Variants in C5orf34 observed in about 807,000 individuals in gnomAD.
C5orf34 encodes the protein chromosome 5 open reading frame 34.
Under a neutral mutation model 78.4 loss-of-function variants are expected in C5orf34, and 73 were observed. The observed-to-expected ratio is 0.93, with a 90% CI of 0.77 to 1.13. C5orf34 has a LOEUF of 1.13. C5orf34 is among the 50% of genes most tolerant of loss of function. The pLI is 0.00. For missense variants in C5orf34, 730 were observed against 732.7 expected (o/e 1.00, Z 0.04); for synonymous variants, 251 against 246.6 (o/e 1.02, Z -0.17).
intron 12 of C5orf34, 49 bp downstream of exon 12, chr5:43,487,860 A>G: frequency 1.4e-6 from 2 of 1,381,386 alleles, no homozygotes; most frequent in Non-Finnish European, 2.0e-6. Context: ...TTAAGCCTAG[A>G]ATGAAAGAGA....
At chr5:43,514,135 G>A (rs545265451) in intron 1 of C5orf34, 25 of 152,236 alleles carry the variant, frequency 1.6e-4, no homozygotes, top group Non-Finnish European at 3.2e-4. Context: ...CCTGTAACAA[G>A]TCCTGTTGAT....
chr5:43,487,098 A>G lies in C5orf34; in HGVS notation c.1734T>C (p.Asn578=). 6.5e-7 allele frequency: 1 copy of G among 1,527,858 alleles called. No homozygotes were observed. Among genetic ancestry groups the G allele is most frequent in the Non-Finnish European group, 8.8e-7 (1 of 1,138,640 alleles). The allele number at this position is 1,527,858 out of a possible 1,614,324, so 94.6% of individuals were successfully genotyped here. ...KIQKFNLLLE[N]SGILNQISNK... Reference sequence around the variant, plus strand: ...TAGAAATCTGGTTTAGGATACCACTATTTTCTAGTAGCACTAAGTTGCTTA... The same window carrying G: ...TAGAAATCTGGTTTAGGATACCACTGTTTTCTAGTAGCACTAAGTTGCTTA... Residue 578 remains asparagine (N), a synonymous_variant, in exon 13 of 13, where the codon AAT becomes AAC. Coordinates refer to ENST00000306862, the MANE Select transcript of C5orf34 (RefSeq NM_198566.4).
intron 1 of C5orf34, among the ~76,000 whole-genome samples, chr5:43,512,943 T>C (rs781576241): frequency 3.3e-5 from 5 of 151,946 alleles, no homozygotes. Flanking sequence ...CCACCACGCC[T>C]GGCTCATTTT....
intron 1 of C5orf34, among the ~76,000 whole-genome samples, chr5:43,511,638 G>T (rs537542016): frequency 6.6e-6 from 1 of 152,218 alleles, no homozygotes; most frequent in Non-Finnish European, 1.5e-5. Flanking sequence ...TGCTGTGTCC[G>T]TGTAGAAAGA....
At chr5:43,494,681 G>T in intron 6 of C5orf34, 80 bp from the exon 7 acceptor site, 1 of 720,888 alleles carries the variant, frequency 1.4e-6, no homozygotes. Flanking sequence ...CTTGAAATAT[G>T]TTTTTACAAT....
intron 4 of C5orf34, 84 bp from the exon 5 acceptor site, chr5:43,503,844 C>T (rs975731492): frequency 3.6e-6 from 3 of 829,442 alleles, no homozygotes; most frequent in Non-Finnish European, 4.1e-6. Flanking sequence ...GCTACTGTAA[C>T]AGGATTAATT....
intron 6 of C5orf34, 27 bp downstream of exon 6, chr5:43,502,345 C>T: frequency 6.2e-7 from 1 of 1,609,312 alleles, no homozygotes; most frequent in Non-Finnish European, 8.5e-7. Flanking sequence ...CAAAACTCTT[C>T]TTGAGTTGAG....
intron 1 of C5orf34, among the ~76,000 whole-genome samples, chr5:43,513,779 G>A (rs1040007156): frequency 3.3e-5 from 5 of 152,138 alleles, no homozygotes; most frequent in African/African-American, 1.2e-4. Context: ...ACTCCTACAA[G>A]GGCCCAACGA....
At chr5:43,511,354 C>T (rs1053547598) in intron 1 of C5orf34, 3 of 156,272 alleles carry the variant, frequency 1.9e-5, no homozygotes, top group Non-Finnish European at 4.2e-5. Context: ...CCGCCCCGTC[C>T]GGGAGGGAGG....
In C5orf34 at chr5:43,506,287, A is replaced by G. The variant is rs569477410; in HGVS notation, c.393T>C (p.His131=). 1.2e-6 allele frequency: 2 copies of G among 1,614,174 alleles called. No homozygotes were observed. The highest frequency in any genetic ancestry group is 2.2e-5 in the South Asian group (2 of 91,084). ...GIVKITSLDG[H]AYLCLPRSQH... is the part of the protein sequence containing the mutation. ...GAGATCTGGGCAGGCAGAGGTATGC[A>G]TGACCATCTAAAGATGTTATCTTCA... Residue 131 remains histidine, a synonymous_variant, in exon 4 of 13, where the codon CAT becomes CAC. Transcript: ENST00000306862.
At chr5:43,506,788 A>G (rs933708869) in intron 3 of C5orf34, among the ~76,000 whole-genome samples, 2 of 152,112 alleles carry the variant, frequency 1.3e-5, no homozygotes, top group African/African-American at 4.8e-5. Flanking sequence ...ATTAAAAGCA[A>G]TCATAGCTAA....
chr5:43,503,527 G>A (rs1745851568), intron 5 of C5orf34, 138 bp downstream of exon 5: 9 of 727,962 alleles, frequency 1.2e-5, no homozygotes, highest in South Asian at 6.0e-5. Context: ...TAAAACTCAG[G>A]ATCAAACACA....
intron 4 of C5orf34, among the ~76,000 whole-genome samples, chr5:43,504,780 A>G (rs555296901): frequency 1.3e-5 from 2 of 152,362 alleles, no homozygotes; most frequent in South Asian, 4.1e-4. Flanking sequence ...CAACCTAAAC[A>G]TCATGGTAAG....
rs370086807 is a variant in C5orf34, at chr5:43,505,844, C to T, written c.836G>A (p.Arg279Lys). 1.6e-5 allele frequency: 26 copies of T among 1,613,082 alleles called. No homozygotes were observed. The highest frequency in any genetic ancestry group is 2.0e-5 in the Non-Finnish European group (24 of 1,179,506). The change falls in exon 4 of 13, where the codon AGA becomes AAA. Residue 279 changes from arginine (R) to lysine (K), a missense_variant. Arg to Lys is a conservative substitution (Grantham distance 26, BLOSUM62 2). Coordinates refer to ENST00000306862, the MANE Select transcript of C5orf34 (RefSeq NM_198566.4). ...SKIDAHITQS[R>K]FLTSDISEER... ...CTCTGAAATATCAGAAGTTAAAAATCTACTCTGAGTTATATGTGCATCAAT... is the reference window on the plus strand; with the variant it reads ...CTCTGAAATATCAGAAGTTAAAAATTTACTCTGAGTTATATGTGCATCAAT...
At chr5:43,490,548 A>G in intron 11 of C5orf34, 83 bp downstream of exon 11, 1 of 852,796 alleles carries the variant, frequency 1.2e-6, no homozygotes, top group East Asian at 2.7e-5. Flanking sequence ...TTGGGGAAAA[A>G]AGTCTCAGTT....
chr5:43,487,287 A>G (rs1745105488), intron 12 of C5orf34, among the ~76,000 whole-genome samples, 176 bp from the exon 13 acceptor site: 1 of 152,182 alleles, frequency 6.6e-6, no homozygotes, highest in African/African-American at 2.4e-5. Context: ...GAAGAAACTA[A>G]TTACAGTATA....
chr5:43,500,944 G>A (rs1745731559), intron 6 of C5orf34, among the ~76,000 whole-genome samples: 1 of 152,230 alleles, frequency 6.6e-6, no homozygotes. Flanking sequence ...CCAAAAGAGG[G>A]TCAATTGTTT....
At chr5:43,491,414 TAAAATG>T (rs1473429603) in intron 10 of C5orf34, among the ~76,000 whole-genome samples, 1 of 152,152 alleles carries the variant, frequency 6.6e-6, no homozygotes, top group African/African-American at 2.4e-5. Flanking sequence ...GTGAAATCAC[TAAAATG>T]TGAAGACTAT....
rs183082288 is a variant in C5orf34 at position 43,511,130 on chromosome 5, G to A, written c.-36-1755C>T. ...AGATGAGGAGCGTCTCTGCCCGGCC[G>A]CCCCATCTGAGAAGTGAGGAGCCCC... is the stretch of plus-strand genomic sequence containing the variant. On this transcript the variant is annotated intron_variant, in intron 1 of 12. Transcript: ENST00000306862. 833 of 176,968 alleles carry A rather than the reference G, an allele frequency of 4.7e-3. 9 individuals are homozygous for A. Among genetic ancestry groups the A allele is most frequent in the African/African-American group, 0.012 (480 of 41,284 alleles). 11.0% of individuals were successfully genotyped at this position (176,968 alleles called of 1,614,324 possible).
Sources: allele counts gnomAD v4.1 joint callset (sites outside exome capture counted in the v4.1 genomes callset), GRCh38; gene constraint gnomAD v4.1.1; transcripts MANE v1.5; gene names NCBI Gene and HGNC (gene_info 2026-07-23, HGNC 2026-07-21).